GALNT13: variants seen among roughly 807,000 people sequenced by gnomAD.
GALNT13 encodes the protein UDP-GalNAc:polypeptide N-acetylgalactosaminyltransferase 13.
Under a neutral mutation model 64.2 loss-of-function variants are expected in GALNT13, and 28 were observed. The observed-to-expected ratio is 0.44, with a 90% CI of 0.32 to 0.60. GALNT13 has a LOEUF of 0.60. Among genes scored for constraint, GALNT13 ranks in the 20% least tolerant of loss-of-function variants. The pLI is 0.05. For missense variants in GALNT13, 577 were observed against 669.8 expected (o/e 0.86, Z 1.53); for synonymous variants, 214 against 224.6 (o/e 0.95, Z 0.42).
intron 3 of GALNT13, among the ~76,000 whole-genome samples, chr2:154,025,438 C>G (rs1314641702): frequency 1.3e-5 from 2 of 152,172 alleles, no homozygotes; most frequent in Non-Finnish European, 2.9e-5. Flanking sequence ...AGTACATACA[C>G]ACACACACAG....
At chr2:154,014,896 G>C (rs1696901960) in intron 3 of GALNT13, among the ~76,000 whole-genome samples, 1 of 151,978 alleles carries the variant, frequency 6.6e-6, no homozygotes, top group Non-Finnish European at 1.5e-5. Flanking sequence ...CTCCCAAAGT[G>C]CTGGGATTTA....
chr2:154,408,957 C>A, intron 10 of GALNT13, 27 bp from the exon 11 acceptor site: 1 of 1,289,582 alleles, frequency 7.8e-7, no homozygotes, highest in South Asian at 1.2e-5. Flanking sequence ...TATGTTTTAT[C>A]CCCCCCCTTT....
At position 153,946,085 on chromosome 2, in the gene GALNT13, C is replaced by T. The variant is rs1691719244; in HGVS notation, c.142+1446C>T. 2.0e-5 allele frequency among the ~76,000 whole-genome samples: 3 copies of T among 152,118 alleles called. No homozygotes were observed. In the South Asian group the frequency reaches 6.2e-4, roughly 31 times the overall value. On this transcript the variant is annotated intron_variant, in intron 3 of 12. Coordinates refer to ENST00000392825, the MANE Select transcript of GALNT13 (RefSeq NM_052917.4). ...CTTTAGTTAAAACCCCAGAATTAAT[C>T]AGCCTTCTGAGCTTCTTTGTCAGAA...
chr2:153,803,379 A>T, the GALNT13 span, among the ~76,000 whole-genome samples: 3 of 152,136 alleles, frequency 2.0e-5, no homozygotes, highest in Non-Finnish European at 4.4e-5. Context: ...TCATAATCCA[A>T]TAGAATTGGT....
chr2:153,519,620 C>T, the GALNT13 span, among the ~76,000 whole-genome samples: 2 of 152,064 alleles, frequency 1.3e-5, no homozygotes, highest in African/African-American at 4.8e-5. Flanking sequence ...ACAAATCAAG[C>T]CATTCTGTTG....
At chr2:153,554,907 T>C in the GALNT13 span, among the ~76,000 whole-genome samples, 1 of 152,178 alleles carries the variant, frequency 6.6e-6, no homozygotes, top group South Asian at 2.1e-4. Context: ...ATTTTTTTAG[T>C]GAAATATCTG....
the GALNT13 span, among the ~76,000 whole-genome samples, chr2:153,351,780 A>G: frequency 2.6e-5 from 4 of 152,228 alleles, no homozygotes; most frequent in South Asian, 2.1e-4. Flanking sequence ...CTGTCTTTTC[A>G]TGGCTTGATA....
the GALNT13 span, among the ~76,000 whole-genome samples, chr2:153,138,599 A>G: frequency 6.6e-6 from 1 of 152,092 alleles, no homozygotes. Flanking sequence ...CACCAAAAGC[A>G]TCTAATCAAG....
chr2:153,205,634 A>AT, the GALNT13 span, among the ~76,000 whole-genome samples: 1 of 152,110 alleles, frequency 6.6e-6, no homozygotes. Flanking sequence ...GTCCAATCCA[A>AT]TGAATTCTTT....
intron 4 of GALNT13, among the ~76,000 whole-genome samples, chr2:154,162,523 A>G (rs2105669979): frequency 6.6e-6 from 1 of 152,312 alleles, no homozygotes; most frequent in East Asian, 1.9e-4. Context: ...TGGTAGATGT[A>G]GTCTAGGAGA....
chr2:154,056,604 G>A (rs971775265), intron 3 of GALNT13, among the ~76,000 whole-genome samples: 1 of 152,190 alleles, frequency 6.6e-6, no homozygotes, highest in East Asian at 1.9e-4. Context: ...TTAAATGAAT[G>A]GGAGTTTGAC....
chr2:153,650,155 G>A, the GALNT13 span, among the ~76,000 whole-genome samples: 3 of 152,218 alleles, frequency 2.0e-5, no homozygotes, highest in African/African-American at 7.2e-5. Flanking sequence ...CTTCTGTATT[G>A]GGTGAATATA....
At chr2:153,319,403 A>G in the GALNT13 span, among the ~76,000 whole-genome samples, 1 of 152,158 alleles carries the variant, frequency 6.6e-6, no homozygotes, top group African/African-American at 2.4e-5. Flanking sequence ...CCTTCTGAGT[A>G]GCTGGGACTA....
the GALNT13 span, among the ~76,000 whole-genome samples, chr2:153,461,729 G>T: frequency 1.3e-5 from 2 of 152,064 alleles, no homozygotes; most frequent in African/African-American, 4.8e-5. Context: ...ACAGGGAAGG[G>T]ACTTCTGCAA....
chr2:153,745,240 C>G, the GALNT13 span, among the ~76,000 whole-genome samples: 5 of 151,912 alleles, frequency 3.3e-5, no homozygotes, highest in Admixed American at 3.3e-4. Context: ...AATGAAGAAG[C>G]GAGAGCTGGT....
chr2:154,261,168 A>G (rs1407500253), intron 8 of GALNT13, among the ~76,000 whole-genome samples: 2 of 152,192 alleles, frequency 1.3e-5, no homozygotes, highest in African/African-American at 2.4e-5. Context: ...GCAGATACCA[A>G]GGGTACAGAA....
chr2:153,286,971 A>G, the GALNT13 span, among the ~76,000 whole-genome samples: 2 of 152,240 alleles, frequency 1.3e-5, no homozygotes, highest in African/African-American at 4.8e-5. Context: ...GCAAACATAC[A>G]ACAATTTAAA....
At chr2:153,688,991 G>GGTGTGTGTGTGT in the GALNT13 span, among the ~76,000 whole-genome samples, 133 of 130,216 alleles carry the variant, frequency 1.0e-3, no homozygotes, top group East Asian at 6.4e-3. Context: ...TAGAGGTAGG[G>GGTGTGTGTGTGT]GTGTGTGTGT....
the GALNT13 span, among the ~76,000 whole-genome samples, chr2:153,095,647 T>A: frequency 3.2e-3 from 493 of 152,254 alleles, 2 homozygotes; most frequent in African/African-American, 0.011. Flanking sequence ...CAAATGTCCA[T>A]CAATGATAGA....
Sources: allele counts gnomAD v4.1 joint callset (sites outside exome capture counted in the v4.1 genomes callset), GRCh38; gene constraint gnomAD v4.1.1; transcripts MANE v1.5; gene names NCBI Gene and HGNC (gene_info 2026-07-23, HGNC 2026-07-21).